The following MGAT4C variants were observed in gnomAD, a reference collection of about 807,000 sequenced individuals.
MGAT4C encodes alpha-1,3-mannosyl-glycoprotein 4-beta-N-acetylglucosaminyltransferase C.
A neutral mutation model predicts 40.1 loss-of-function variants in MGAT4C; 19 were observed. That is an observed-to-expected ratio of 0.47 (90% CI 0.33 to 0.70). The LOEUF (loss-of-function observed/expected upper bound fraction) is 0.70. Among genes scored for constraint, MGAT4C ranks in the 30% least tolerant of loss-of-function variants. The pLI is 0.02. For synonymous variants in MGAT4C, 181 were observed against 187.1 expected (o/e 0.97, Z 0.27); for missense variants, 491 against 563.2 (o/e 0.87, Z 1.30).
chr12:86,798,219 A>G (rs770656209), intron 1 of MGAT4C, among the ~76,000 whole-genome samples: 7 of 151,952 alleles, frequency 4.6e-5, no homozygotes, highest in Non-Finnish European at 1.0e-4. Flanking sequence ...CAAACAGCAT[A>G]TACTGCTTAC....
chr12:86,462,763 G>GCAGC (rs1490674468), intron 2 of MGAT4C, among the ~76,000 whole-genome samples: 1 of 152,134 alleles, frequency 6.6e-6, no homozygotes, highest in Non-Finnish European at 1.5e-5. Flanking sequence ...AGTGCAAGAA[G>GCAGC]CAGCCATTAT....
intron 1 of MGAT4C, among the ~76,000 whole-genome samples, chr12:86,771,236 A>G (rs984834982): frequency 5.9e-5 from 9 of 152,118 alleles, no homozygotes; most frequent in African/African-American, 2.2e-4. Flanking sequence ...ATTGTACACA[A>G]ATTTCTGATG....
At chr12:86,723,483 G>A (rs1285565212) in intron 2 of MGAT4C, among the ~76,000 whole-genome samples, 2 of 152,110 alleles carry the variant, frequency 1.3e-5, no homozygotes, top group Non-Finnish European at 2.9e-5. Context: ...TGGCAGCCTC[G>A]GGGGCTCTTT....
intron 1 of MGAT4C, among the ~76,000 whole-genome samples, chr12:86,212,327 G>A (rs887028534): frequency 2.0e-5 from 3 of 152,006 alleles, no homozygotes; most frequent in African/African-American, 7.3e-5. Flanking sequence ...CACAGGTTTT[G>A]GACGTAGAGA....
At chr12:86,052,668 T>C (rs954054666) in intron 1 of MGAT4C, among the ~76,000 whole-genome samples, 6 of 152,054 alleles carry the variant, frequency 3.9e-5, no homozygotes, top group African/African-American at 1.4e-4. Context: ...AAAGATAATC[T>C]TTCCCTCAAA....
chr12:86,810,991 A>G (rs1201649786), intron 1 of MGAT4C, among the ~76,000 whole-genome samples: 1 of 134,020 alleles, frequency 7.5e-6, no homozygotes. Context: ...TTCTTGATGT[A>G]GAAACTTTGA....
chr12:86,175,919 C>T (rs569393469), intron 1 of MGAT4C, among the ~76,000 whole-genome samples: 354 of 152,108 alleles, frequency 2.3e-3, no homozygotes, highest in African/African-American at 7.9e-3. Flanking sequence ...TGCAGTGAGC[C>T]GATATCGCGC....
At chr12:86,577,626 C>T (rs1289397683) in intron 2 of MGAT4C, among the ~76,000 whole-genome samples, 3 of 151,778 alleles carry the variant, frequency 2.0e-5, no homozygotes, top group Non-Finnish European at 4.4e-5. Context: ...TCGCATTCCA[C>T]AGATAAATCT....
At chr12:86,557,308 G>C (rs781484796) in intron 2 of MGAT4C, among the ~76,000 whole-genome samples, 3 of 152,210 alleles carry the variant, frequency 2.0e-5, no homozygotes, top group Non-Finnish European at 4.4e-5. Context: ...AAATATTTTT[G>C]GGAAAGGCCT....
rs10679798 is a variant in MGAT4C, at chr12:86,503,787, CATAT to C, written c.-228-68526_-228-68523del. Reference sequence around the variant, plus strand: ...ATATATATATATATAGAGTTCTGCTCATATATATATATATATATATATATATGAG... The same window carrying C: ...ATATATATATATATAGAGTTCTGCTCATATATATATATATATATATATGAG... On this transcript the variant is annotated intron_variant, in intron 2 of 7. Transcript: ENST00000548651. 3.8e-4 allele frequency among the ~76,000 whole-genome samples: 6 copies of C among 15,744 alleles called. 1 individual carries two copies. Among genetic ancestry groups the C allele is most frequent in the African/African-American group, 6.0e-4 (3 of 4,964 alleles). 10.3% of individuals were successfully genotyped at this position (15,744 alleles called of 152,430 possible). A position where few individuals can be genotyped will look rare whatever the true frequency, so the allele number is the denominator to read the frequency against.
At chr12:86,274,748 ATTAC>A (rs1953028156) in intron 4 of MGAT4C, among the ~76,000 whole-genome samples, 1 of 152,172 alleles carries the variant, frequency 6.6e-6, no homozygotes, top group South Asian at 2.1e-4. Flanking sequence ...GAGTCATTCT[ATTAC>A]ATTAAGGTGA....
At chr12:86,502,725 G>A (rs1189602985) in intron 2 of MGAT4C, among the ~76,000 whole-genome samples, 3 of 139,328 alleles carry the variant, frequency 2.2e-5, no homozygotes, top group African/African-American at 8.0e-5. Flanking sequence ...ATATATACAC[G>A]AGTTCTGCTC....
At chr12:86,310,954 T>G (rs1401011958) in intron 4 of MGAT4C, among the ~76,000 whole-genome samples, 1 of 152,028 alleles carries the variant, frequency 6.6e-6, no homozygotes, top group Non-Finnish European at 1.5e-5. Context: ...AACAAACAAA[T>G]TAAGCGGAAG....
intron 3 of MGAT4C, among the ~76,000 whole-genome samples, chr12:86,413,365 T>C (rs1397405406): frequency 6.6e-6 from 1 of 152,166 alleles, no homozygotes; most frequent in Non-Finnish European, 1.5e-5. Flanking sequence ...TGAAACAAGA[T>C]GTTGAGCCTT....
chr12:86,388,797 T>C (rs1956111907), intron 3 of MGAT4C, among the ~76,000 whole-genome samples: 1 of 149,050 alleles, frequency 6.7e-6, no homozygotes, highest in African/African-American at 2.5e-5. Context: ...TTCTTCTGCC[T>C]CAGCTTCCTG....
chr12:86,025,821 T>C (rs1890193739), intron 2 of MGAT4C, among the ~76,000 whole-genome samples: 1 of 151,746 alleles, frequency 6.6e-6, no homozygotes, highest in Non-Finnish European at 1.5e-5. Flanking sequence ...GGACGAGGTG[T>C]ATCTGACTCC....
chr12:86,788,451 A>G (rs973213251), intron 1 of MGAT4C, among the ~76,000 whole-genome samples: 2 of 152,168 alleles, frequency 1.3e-5, no homozygotes, highest in East Asian at 1.9e-4. Flanking sequence ...TTACAATGAC[A>G]TCAACAGATT....
intron 2 of MGAT4C, among the ~76,000 whole-genome samples, chr12:86,515,714 T>C (rs1958672680): frequency 6.6e-6 from 1 of 151,996 alleles, no homozygotes; most frequent in African/African-American, 2.4e-5. Context: ...TACTCCTAAA[T>C]TGTTATAAAC....
rs575177600 is a variant in MGAT4C at position 86,794,570 on chromosome 12, TAAGAA to T, written c.-262+44091_-262+44095del. Among the ~76,000 whole-genome samples the T allele has an allele frequency of 1.4e-4, 21 of 151,938 alleles. No individual in the cohort carries two copies. In the East Asian group the frequency reaches 1.9e-3, roughly 14 times the overall value. ...TTTACTCCCCTTAAAATACTGCTGT[TAAGAA>T]AAGAAATCAAGATAGAAAAATGTTC... On this transcript the variant is annotated intron_variant, in intron 1 of 7. Coordinates refer to the MGAT4C transcript ENST00000548651.
Sources: gnomAD v4.1 joint callset for allele counts (sites outside exome capture counted in the v4.1 genomes callset) on GRCh38, gnomAD v4.1.1 for gene constraint, MANE v1.5 for transcripts, NCBI Gene and HGNC (gene_info 2026-07-23, HGNC 2026-07-21) for gene names.